Variants in EXOSC7 observed in about 807,000 individuals in gnomAD.
EXOSC7 encodes the protein exosome complex component RRP42.
A neutral mutation model predicts 34.3 loss-of-function variants in EXOSC7; 25 were observed. The ratio of observed to expected loss-of-function variants is 0.73; its 90% confidence interval spans 0.53 to 1.02. The LOEUF is 1.02. Ranked by LOEUF, EXOSC7 falls within the 50% of genes least tolerant of loss-of-function variation. EXOSC7 has a pLI of 0.00. For missense variants in EXOSC7, 370 were observed against 368.5 expected (o/e 1.00, Z -0.03); for synonymous variants, 130 against 143.0 (o/e 0.91, Z 0.65).
intron 1 of EXOSC7, among the ~76,000 whole-genome samples, chr3:44,988,019 G>C (rs899215107): frequency 6.6e-6 from 1 of 152,106 alleles, no homozygotes; most frequent in Non-Finnish European, 1.5e-5. Context: ...GTATTTTCTA[G>C]CTCTGTCTGC....
At chr3:44,977,339 C>T (rs183879716) in intron 1 of EXOSC7, 1 of 152,232 alleles carries the variant, frequency 6.6e-6, no homozygotes, top group Non-Finnish European at 1.5e-5. Context: ...TTTCCTCTGT[C>T]AGTACCAACT....
At chr3:45,002,940 T>C (rs1706920836) in intron 5 of EXOSC7, among the ~76,000 whole-genome samples, 1 of 152,188 alleles carries the variant, frequency 6.6e-6, no homozygotes, top group South Asian at 2.1e-4. Flanking sequence ...GAAGCTGTCA[T>C]CTGATTTATC....
chr3:45,006,544 G>A (rs545890213), intron 6 of EXOSC7, among the ~76,000 whole-genome samples: 1 of 149,936 alleles, frequency 6.7e-6, no homozygotes, highest in East Asian at 2.0e-4. Context: ...AGCCTCCCGA[G>A]TAGCTGGGAC....
intron 4 of EXOSC7, among the ~76,000 whole-genome samples, chr3:45,000,353 GT>G (rs1281468948): frequency 6.6e-6 from 1 of 152,218 alleles, no homozygotes; most frequent in African/African-American, 2.4e-5. Context: ...GCCTTTAGGA[GT>G]TCACAGTTCA....
chr3:45,012,002 A>C (rs2292987), downstream of EXOSC7, among the ~76,000 whole-genome samples: 3 of 152,238 alleles, frequency 2.0e-5, no homozygotes, highest in East Asian at 3.8e-4. Context: ...TGTCAGCATT[A>C]AGAAGGCAGC....
chr3:45,007,679 A>ACCCC (rs1216239723), intron 7 of EXOSC7, 104 bp downstream of exon 7: 40 of 1,281,482 alleles, frequency 3.1e-5, no homozygotes, highest in Non-Finnish European at 3.5e-5. Context: ...CACAGCCTTG[A>ACCCC]CCCCAAACTT....
chr3:45,009,239 C>T (rs1707137655), intron 7 of EXOSC7, among the ~76,000 whole-genome samples: 1 of 152,210 alleles, frequency 6.6e-6, no homozygotes, highest in Admixed American at 6.5e-5. Context: ...TAACTCTGGA[C>T]AGGGGACTAT....
chr3:44,986,209 A>G (rs901968661), intron 1 of EXOSC7, among the ~76,000 whole-genome samples: 9 of 1,522 alleles, frequency 5.9e-3, no homozygotes, highest in African/African-American at 0.026. Flanking sequence ...AGGAGCACCC[A>G]TGGGTGGGGG....
intron 4 of EXOSC7, among the ~76,000 whole-genome samples, chr3:45,001,130 A>C (rs1192237297): frequency 2.0e-5 from 3 of 152,066 alleles, no homozygotes. Context: ...GTCCTTGACC[A>C]CAGAATAGAT....
At chr3:44,994,298 G>T (rs936819528) in intron 3 of EXOSC7, among the ~76,000 whole-genome samples, 4 of 148,420 alleles carry the variant, frequency 2.7e-5, no homozygotes, top group African/African-American at 9.9e-5. Flanking sequence ...GAGAGAGTTA[G>T]ACCATCTGGG....
intron 7 of EXOSC7, among the ~76,000 whole-genome samples, chr3:45,009,136 A>G (rs949720673): frequency 3.3e-5 from 5 of 152,044 alleles, no homozygotes; most frequent in African/African-American, 1.2e-4. Context: ...CTTATAAACC[A>G]GATCTGCCCT....
intron 3 of EXOSC7, among the ~76,000 whole-genome samples, chr3:44,994,861 GTGTGT>G (rs1706675946): frequency 9.2e-5 from 2 of 21,822 alleles, no homozygotes; most frequent in Non-Finnish European, 1.8e-4. Flanking sequence ...GAATGGGTGT[GTGTGT>G]GTGTGTGTGT....
chr3:44,983,849 T>A, intron 1 of EXOSC7, among the ~76,000 whole-genome samples: 1 of 138,458 alleles, frequency 7.2e-6, no homozygotes, highest in East Asian at 2.6e-4. Context: ...AAGCCTTTTA[T>A]AAGGAAAACT....
chr3:44,997,963 A>G (rs1259783223), intron 4 of EXOSC7, among the ~76,000 whole-genome samples: 1 of 151,522 alleles, frequency 6.6e-6, no homozygotes, highest in East Asian at 1.9e-4. Context: ...TGCCTCCCAA[A>G]TACTCCTCTA....
chr3:45,009,314 G>A (rs1707139702), intron 7 of EXOSC7, among the ~76,000 whole-genome samples: 1 of 152,156 alleles, frequency 6.6e-6, no homozygotes, highest in Admixed American at 6.5e-5. Flanking sequence ...AAATGACTTG[G>A]TGGAGCTGAG....
chr3:44,986,861 C>T (rs1253297948), intron 1 of EXOSC7, among the ~76,000 whole-genome samples: 1 of 152,144 alleles, frequency 6.6e-6, no homozygotes, highest in African/African-American at 2.4e-5. Flanking sequence ...AAAAGTCAGT[C>T]ACATATGCAG....
At chr3:45,001,394 G>C in intron 4 of EXOSC7, 144 bp from the exon 5 acceptor site, 1 of 650,590 alleles carries the variant, frequency 1.5e-6, no homozygotes. Flanking sequence ...AGTTAGCCAA[G>C]ATTGCACCAC....
chr3:45,006,802 C>G (rs545549307), intron 6 of EXOSC7, among the ~76,000 whole-genome samples: 2 of 150,266 alleles, frequency 1.3e-5, no homozygotes, highest in Non-Finnish European at 3.0e-5. Flanking sequence ...GCAACCCCCC[C>G]ACCCGCCCCG....
chr3:44,979,290 G>A (rs1706212003), intron 1 of EXOSC7, among the ~76,000 whole-genome samples: 1 of 152,240 alleles, frequency 6.6e-6, no homozygotes, highest in Admixed American at 6.5e-5. Context: ...ACCTTAAGCA[G>A]TGCCTGCCTG....
Sources: allele counts gnomAD v4.1 joint callset (sites outside exome capture counted in the v4.1 genomes callset), GRCh38; gene constraint gnomAD v4.1.1; transcripts MANE v1.5; gene names NCBI Gene and HGNC (gene_info 2026-07-23, HGNC 2026-07-21).